The following SLC24A2 variants were observed in gnomAD, a reference collection of about 807,000 sequenced individuals.
SLC24A2 encodes solute carrier family 24 member 2.
A neutral mutation model predicts 62.0 loss-of-function variants in SLC24A2; 36 were observed. The ratio of observed to expected loss-of-function variants is 0.58; its 90% CI spans 0.44 to 0.77. The LOEUF (loss-of-function observed/expected upper bound fraction) is 0.77. Among genes scored for constraint, SLC24A2 ranks in the 30% least tolerant of loss-of-function variants. The pLI, the probability that SLC24A2 is intolerant of heterozygous loss-of-function variation, is 0.00. For missense variants in SLC24A2, 846 were observed against 817.9 expected (o/e 1.03, Z -0.42); for synonymous variants, 358 against 294.0 (o/e 1.22, Z -2.23).
the SLC24A2 span, among the ~76,000 whole-genome samples, chr9:20,300,583 T>C: frequency 6.6e-6 from 1 of 152,140 alleles, no homozygotes; most frequent in Non-Finnish European, 1.5e-5. Flanking sequence ...GTTTTTGACA[T>C]CAAGTTGGCC....
At chr9:19,880,590 C>A in the SLC24A2 span, among the ~76,000 whole-genome samples, 2 of 151,978 alleles carry the variant, frequency 1.3e-5, no homozygotes. Flanking sequence ...ATAGTAGCTA[C>A]AGAAAAGGTG....
chr9:20,079,224 G>T, the SLC24A2 span, among the ~76,000 whole-genome samples: 1 of 152,116 alleles, frequency 6.6e-6, no homozygotes, highest in African/African-American at 2.4e-5. Context: ...TAATACTTTG[G>T]TTTTGGACTT....
chr9:19,886,142 A>G, the SLC24A2 span, among the ~76,000 whole-genome samples: 1 of 152,128 alleles, frequency 6.6e-6, no homozygotes, highest in South Asian at 2.1e-4. Context: ...TCGAATGGCA[A>G]TTCTGTTTTA....
At chr9:19,543,459 C>T (rs549424157) in intron 8 of SLC24A2, among the ~76,000 whole-genome samples, 1 of 147,400 alleles carries the variant, frequency 6.8e-6, no homozygotes, top group Admixed American at 6.8e-5. Context: ...TTAGTTATTT[C>T]TTGTCTTCTG....
At chr9:19,824,396 G>A in the SLC24A2 span, among the ~76,000 whole-genome samples, 1 of 152,168 alleles carries the variant, frequency 6.6e-6, no homozygotes, top group Non-Finnish European at 1.5e-5. Flanking sequence ...AGACATTTAT[G>A]CAGCCAACAA....
At chr9:20,064,100 A>G in the SLC24A2 span, among the ~76,000 whole-genome samples, 1 of 152,248 alleles carries the variant, frequency 6.6e-6, no homozygotes, top group Non-Finnish European at 1.5e-5. Flanking sequence ...TAAATGAATA[A>G]ATGTGGTATA....
the SLC24A2 span, among the ~76,000 whole-genome samples, chr9:19,872,527 C>A: frequency 6.6e-6 from 1 of 152,066 alleles, no homozygotes; most frequent in Non-Finnish European, 1.5e-5. Context: ...ATTTTCTGTC[C>A]TTCACTGTAC....
At chr9:20,228,035 C>T in the SLC24A2 span, among the ~76,000 whole-genome samples, 3 of 152,134 alleles carry the variant, frequency 2.0e-5, no homozygotes, top group Non-Finnish European at 2.9e-5. Flanking sequence ...GGTCATTCTT[C>T]CATTAAAAAC....
At chr9:19,975,017 C>T in the SLC24A2 span, among the ~76,000 whole-genome samples, 2 of 152,142 alleles carry the variant, frequency 1.3e-5, no homozygotes, top group African/African-American at 4.8e-5. Flanking sequence ...GCCCCAACTC[C>T]AGCAGGTTTC....
the SLC24A2 span, among the ~76,000 whole-genome samples, chr9:19,953,769 T>C: frequency 6.6e-6 from 1 of 152,232 alleles, no homozygotes; most frequent in African/African-American, 2.4e-5. Context: ...TTTTAAAACT[T>C]TGGACTCACA....
At chr9:20,207,643 C>A in the SLC24A2 span, among the ~76,000 whole-genome samples, 1 of 152,186 alleles carries the variant, frequency 6.6e-6, no homozygotes, top group Admixed American at 6.5e-5. Flanking sequence ...GAGTCTGACA[C>A]TTAATGGGTG....
At chr9:20,127,389 A>G in the SLC24A2 span, among the ~76,000 whole-genome samples, 65 of 152,272 alleles carry the variant, frequency 4.3e-4, no homozygotes, top group African/African-American at 1.5e-3. Context: ...AATTACTTAC[A>G]TGTTTTAGTT....
chr9:20,285,941 T>C, the SLC24A2 span, among the ~76,000 whole-genome samples: 52 of 152,180 alleles, frequency 3.4e-4, no homozygotes, highest in African/African-American at 1.2e-3. Flanking sequence ...ACCTTGATCT[T>C]GGACTTCCAG....
At chr9:19,523,982 G>T (rs1292184723) in intron 9 of SLC24A2, among the ~76,000 whole-genome samples, 3 of 151,990 alleles carry the variant, frequency 2.0e-5, no homozygotes, top group African/African-American at 7.3e-5. Flanking sequence ...AGCTTGTTTT[G>T]AGTACATTTC....
chr9:19,964,220 G>C, the SLC24A2 span, among the ~76,000 whole-genome samples: 4 of 119,772 alleles, frequency 3.3e-5, no homozygotes, highest in African/African-American at 9.6e-5. Flanking sequence ...GGACTGTTGT[G>C]GGGTGGGGGG....
At chr9:20,025,765 G>C in the SLC24A2 span, among the ~76,000 whole-genome samples, 1 of 152,166 alleles carries the variant, frequency 6.6e-6, no homozygotes, top group Non-Finnish European at 1.5e-5. Context: ...GTATGGAAAA[G>C]TGGAAATGAC....
chr9:20,255,612 C>G, the SLC24A2 span, among the ~76,000 whole-genome samples: 6 of 151,150 alleles, frequency 4.0e-5, no homozygotes, highest in Non-Finnish European at 8.8e-5. Flanking sequence ...CCTTTCCACA[C>G]GAGTCTATCT....
chr9:19,532,828 G>T (rs10811199), intron 8 of SLC24A2, among the ~76,000 whole-genome samples: 121,958 of 152,152 alleles, frequency 0.8, 49,287 homozygotes, highest in East Asian at 1. Context: ...TGGGTTCTCA[G>T]GTTCCTTCCT....
the SLC24A2 span, among the ~76,000 whole-genome samples, chr9:20,237,400 G>A: frequency 3.9e-5 from 6 of 152,184 alleles, no homozygotes; most frequent in Admixed American, 3.9e-4. Flanking sequence ...CCAGAAGATG[G>A]CAGAGCAGTG....
Sources: gnomAD v4.1 joint callset for allele counts (sites outside exome capture counted in the v4.1 genomes callset) on GRCh38, gnomAD v4.1.1 for gene constraint, MANE v1.5 for transcripts, NCBI Gene and HGNC (gene_info 2026-07-23, HGNC 2026-07-21) for gene names.